The following MAP3K5 variants were observed in gnomAD, a reference collection of about 807,000 sequenced individuals.
The protein encoded by MAP3K5 is mitogen-activated protein kinase kinase kinase 5, also known as ASK-1.
In MAP3K5, 56 loss-of-function variants were observed where a neutral mutation model predicts 158.7. The ratio of observed to expected loss-of-function variants is 0.35; its 90% CI spans 0.28 to 0.44. The LOEUF (loss-of-function observed/expected upper bound fraction) is 0.44. MAP3K5 is among the 20% of genes least tolerant of loss of function. The pLI is 1.00. For synonymous variants in MAP3K5, 579 were observed against 601.7 expected, an observed-to-expected ratio of 0.96 and a Z score of 0.55; for missense variants, 1,294 against 1,674.8, an observed-to-expected ratio of 0.77 and a Z score of 3.97.
chr6:136,634,855 C>T (rs969296728), intron 14 of MAP3K5, among the ~76,000 whole-genome samples: 10 of 151,876 alleles, frequency 6.6e-5, no homozygotes, highest in Admixed American at 6.6e-5. Context: ...GCATGAGCCA[C>T]CACACCTGAC....
intron 1 of MAP3K5, among the ~76,000 whole-genome samples, chr6:136,744,885 A>G (rs377088270): frequency 2.6e-4 from 40 of 152,324 alleles, no homozygotes; most frequent in African/African-American, 8.9e-4. Context: ...CAATAAGACT[A>G]AGAACCACAG....
At chr6:136,590,879 G>C (rs548950510) in intron 23 of MAP3K5, among the ~76,000 whole-genome samples, 2 of 152,166 alleles carry the variant, frequency 1.3e-5, no homozygotes, top group African/African-American at 4.8e-5. Flanking sequence ...GCCTTACCTG[G>C]GGTACTCTGG....
intron 11 of MAP3K5, among the ~76,000 whole-genome samples, chr6:136,645,546 C>T (rs531260156): frequency 2.2e-4 from 33 of 152,202 alleles, no homozygotes; most frequent in Non-Finnish European, 3.8e-4. Context: ...CCATTTAAAA[C>T]GCCCTGCAAA....
At chr6:136,778,419 T>C (rs1193570185) in intron 1 of MAP3K5, among the ~76,000 whole-genome samples, 1 of 152,252 alleles carries the variant, frequency 6.6e-6, no homozygotes, top group African/African-American at 2.4e-5. Context: ...TCAGATTTTT[T>C]ACTTATTCAT....
rs141842155 is a variant in MAP3K5, at chr6:136,567,666, A to G, written c.3726T>C (p.Asn1242=). 6.8e-6 allele frequency: 11 copies of G among 1,614,096 alleles called. No homozygotes were observed. In the African/African-American group the frequency reaches 9.3e-5, roughly 14 times the overall value. The change falls in exon 26 of 30, where the codon AAT becomes AAC. Residue 1242 remains asparagine (N), a synonymous_variant. Coordinates refer to ENST00000359015, the MANE Select transcript of MAP3K5 (RefSeq NM_005923.4). ...HDSQSAHRSL[N]VQLGRMKIET... ...CTATTTTCATCCTTCCAAGCTGTAC[A>G]TTCAGTGACCGGTGAGCACTCTGGG...
intron 18 of MAP3K5, among the ~76,000 whole-genome samples, chr6:136,610,488 G>A (rs905462386): frequency 1.3e-5 from 2 of 151,412 alleles, no homozygotes; most frequent in African/African-American, 4.9e-5. Flanking sequence ...TGGAGTAGGG[G>A]AGTCAACCAC....
chr6:136,650,423 A>T (rs1471420551), intron 11 of MAP3K5, among the ~76,000 whole-genome samples: 1 of 152,252 alleles, frequency 6.6e-6, no homozygotes, highest in East Asian at 1.9e-4. Context: ...GCTTATCCAC[A>T]TGACTGCTAT....
chr6:136,585,818 G>A (rs192416997), intron 23 of MAP3K5, among the ~76,000 whole-genome samples: 153 of 152,218 alleles, frequency 1.0e-3, no homozygotes, highest in African/African-American at 3.5e-3. Flanking sequence ...AGCCCACACT[G>A]CTTCTTTAAG....
At chr6:136,739,166 T>C (rs1374314058) in intron 1 of MAP3K5, among the ~76,000 whole-genome samples, 5 of 152,002 alleles carry the variant, frequency 3.3e-5, no homozygotes, top group Non-Finnish European at 7.4e-5. Context: ...GAAGGAGATA[T>C]AGAAATAAAG....
At chr6:136,721,651 T>C (rs1344456300) in intron 1 of MAP3K5, among the ~76,000 whole-genome samples, 1 of 152,194 alleles carries the variant, frequency 6.6e-6, no homozygotes, top group Non-Finnish European at 1.5e-5. Context: ...GATAGCTCAA[T>C]GGAAAAAACT....
At chr6:136,619,417 T>G (rs1225612510) in intron 15 of MAP3K5, among the ~76,000 whole-genome samples, 1 of 152,160 alleles carries the variant, frequency 6.6e-6, no homozygotes, top group Non-Finnish European at 1.5e-5. Context: ...GTGATGTGAT[T>G]TTTAAAAATA....
At position 136,613,938 on chromosome 6, in the gene MAP3K5, C is replaced by T. The variant is rs2076259; in HGVS notation, c.2278+221G>A. ...GAGTCTGTGTTTCCTGGGTGGCTAT[C>T]CTCAAGCTTTGCACTGGAATAAACT... On this transcript the variant is annotated intron_variant, in intron 16 of 29. Coordinates refer to ENST00000359015, the MANE Select transcript of MAP3K5 (RefSeq NM_005923.4). This position sits in a 1 kb window ranked among gnomAD's most constrained non-coding sequence, Gnocchi z 4.0. 0.11 allele frequency among the ~76,000 whole-genome samples: 17,316 copies of T among 152,118 alleles called. 1,262 individuals carry two copies. The highest frequency in any genetic ancestry group is 0.18 in the East Asian group (930 of 5,174).
intron 14 of MAP3K5, among the ~76,000 whole-genome samples, chr6:136,623,466 T>C (rs1434766641): frequency 2.0e-5 from 3 of 152,158 alleles, no homozygotes; most frequent in Non-Finnish European, 4.4e-5. Flanking sequence ...GTGCCAATGA[T>C]AAAGTCAGGA....
Position 136,710,533 on chromosome 6 carries a change from CTAACTT to C in MAP3K5, c.589-5406_589-5401del, listed in dbSNP as rs200905052. The stretch of plus-strand genomic sequence containing the variant: ...TCCAAGGCTCATTTGAAGGCAAAGA[CTAACTT>C]TTGATAGCTCTCTGGGACAGTGTTT... On this transcript the variant is annotated intron_variant, in intron 2 of 29. Coordinates refer to ENST00000359015, the MANE Select transcript of MAP3K5 (RefSeq NM_005923.4). 7.2e-3 allele frequency among the ~76,000 whole-genome samples: 1,103 copies of C among 152,254 alleles called. 11 individuals are homozygous for C. Among genetic ancestry groups the C allele is most frequent in the African/African-American group, 0.026 (1,066 of 41,552 alleles).
intron 1 of MAP3K5, among the ~76,000 whole-genome samples, chr6:136,768,207 C>T (rs189975762): frequency 1.5e-4 from 23 of 152,258 alleles, no homozygotes; most frequent in African/African-American, 5.5e-4. Context: ...CAGATAAATA[C>T]GGACTTCATC....
intron 9 of MAP3K5, among the ~76,000 whole-genome samples, chr6:136,658,729 GA>G (rs1459097007): frequency 6.6e-6 from 1 of 152,136 alleles, no homozygotes; most frequent in Non-Finnish European, 1.5e-5. Flanking sequence ...TTTCAAATTA[GA>G]AAAACACACA....
intron 1 of MAP3K5, among the ~76,000 whole-genome samples, chr6:136,755,926 G>A (rs1783459332): frequency 6.6e-6 from 1 of 152,034 alleles, no homozygotes; most frequent in East Asian, 1.9e-4. Flanking sequence ...GCAAAGGGGT[G>A]TAAGTTAAAA....
At chr6:136,649,288 A>T (rs191569586) in intron 11 of MAP3K5, among the ~76,000 whole-genome samples, 1 of 152,292 alleles carries the variant, frequency 6.6e-6, no homozygotes. Context: ...CCATTTAATT[A>T]AACCAGCTCC....
At chr6:136,681,239 T>C (rs1482019294) in intron 7 of MAP3K5, among the ~76,000 whole-genome samples, 1 of 152,224 alleles carries the variant, frequency 6.6e-6, no homozygotes, top group Non-Finnish European at 1.5e-5. Flanking sequence ...CTCTCACTCA[T>C]TTCTCTAATA....
Sources: gnomAD v4.1 joint callset for allele counts (sites outside exome capture counted in the v4.1 genomes callset) on GRCh38, gnomAD v4.1.1 for gene constraint, Gnocchi (gnomAD v3.1) non-coding constraint, MANE v1.5 for transcripts, NCBI Gene and HGNC (gene_info 2026-07-23, HGNC 2026-07-21) for gene names.